STRBP: variants seen among roughly 807,000 people sequenced by gnomAD.
STRBP encodes spermatid perinuclear RNA-binding protein.
In STRBP, 13 loss-of-function variants were observed where a neutral mutation model predicts 80.1. That is an observed-to-expected ratio of 0.16 (90% CI 0.11 to 0.26). STRBP has a LOEUF of 0.26. Ranked by LOEUF, STRBP falls within the 10% of genes least tolerant of loss-of-function variation. STRBP has a pLI of 1.00. For missense variants in STRBP, 485 were observed against 815.2 expected (o/e 0.59, Z 4.93); for synonymous variants, 284 against 291.2 (o/e 0.98, Z 0.25).
At chr9:123,175,019 C>A (rs922983910) in intron 4 of STRBP, among the ~76,000 whole-genome samples, 1 of 152,092 alleles carries the variant, frequency 6.6e-6, no homozygotes, top group African/African-American at 2.4e-5. Flanking sequence ...AGTTTAAGTG[C>A]CCTATTTAAA....
intron 1 of STRBP, among the ~76,000 whole-genome samples, chr9:123,251,879 T>C (rs2040924538): frequency 6.6e-6 from 1 of 152,158 alleles, no homozygotes; most frequent in African/African-American, 2.4e-5. Context: ...AAAAGCTCCC[T>C]CCCTTCTTTG....
At position 123,158,415 on chromosome 9, in the gene STRBP, G is replaced by A. The variant is rs1344724457; in HGVS notation, c.850C>T (p.His284Tyr). ...GILLPGGPGL[H>Y]DPCERDPTDA... The stretch of plus-strand genomic sequence containing the variant: ...GTTGGGTCTCGCTCACAAGGATCAT[G>A]AAGACCAGGACCCCCTTTGGCAAAG... The change falls in exon 10 of 19, where the codon CAT becomes TAT. Residue 284 changes from histidine to tyrosine, a missense_variant. His to Tyr is a moderately conservative substitution (Grantham distance 83). Transcript: ENST00000348403. The A allele has an allele frequency of 9.3e-6, 15 of 1,613,300 alleles. No homozygotes were observed. Among genetic ancestry groups the A allele is most frequent in the Non-Finnish European group, 1.3e-5 (15 of 1,179,578 alleles).
At chr9:123,212,545 T>C (rs956475970) in intron 2 of STRBP, 2 of 152,114 alleles carry the variant, frequency 1.3e-5, no homozygotes, top group Non-Finnish European at 2.9e-5. Context: ...ACGCCAGCAA[T>C]GATGTGAGAA....
chr9:123,154,858 G>A (rs1160248044), intron 11 of STRBP, among the ~76,000 whole-genome samples: 1 of 152,206 alleles, frequency 6.6e-6, no homozygotes, highest in Non-Finnish European at 1.5e-5. Flanking sequence ...CTTATAAAGA[G>A]GAGAGAAATG....
At chr9:123,194,101 A>T (rs952351203) in intron 2 of STRBP, among the ~76,000 whole-genome samples, 3 of 152,142 alleles carry the variant, frequency 2.0e-5, no homozygotes, top group African/African-American at 7.2e-5. Context: ...TGCAAGTAGG[A>T]GCCTCAATGA....
intron 2 of STRBP, among the ~76,000 whole-genome samples, chr9:123,200,950 G>T (rs2039303581): frequency 6.6e-6 from 1 of 151,388 alleles, no homozygotes; most frequent in South Asian, 2.1e-4. Context: ...ATTTCTTCCT[G>T]ATTTAATCTA....
chr9:123,154,990 G>A (rs2037218818), intron 11 of STRBP, among the ~76,000 whole-genome samples: 1 of 152,210 alleles, frequency 6.6e-6, no homozygotes, highest in African/African-American at 2.4e-5. Flanking sequence ...GGGAGGAACT[G>A]ACGCTGGTGA....
chr9:123,113,742 T>TC (rs2035603775), intron 3 of STRBP: 1 of 167,156 alleles, frequency 6.0e-6, no homozygotes, highest in South Asian at 2.1e-4. Flanking sequence ...GTAAGTCATC[T>TC]CTATAGTCTA....
At chr9:123,235,398 G>A (rs1216605509) in intron 2 of STRBP, among the ~76,000 whole-genome samples, 2 of 149,058 alleles carry the variant, frequency 1.3e-5, no homozygotes, top group African/African-American at 4.9e-5. Context: ...AAGAATGCTA[G>A]TCCCAGTTAG....
intron 5 of STRBP, among the ~76,000 whole-genome samples, chr9:123,171,078 T>C (rs932330235): frequency 2.6e-5 from 4 of 152,090 alleles, no homozygotes; most frequent in Non-Finnish European, 5.9e-5. Flanking sequence ...AGAACCAGAA[T>C]ATAAAGAAAC....
intron 1 of STRBP, among the ~76,000 whole-genome samples, chr9:123,263,224 T>C (rs2041194126): frequency 6.6e-6 from 1 of 152,114 alleles, no homozygotes; most frequent in African/African-American, 2.4e-5. Flanking sequence ...AAGATCACTA[T>C]CGGAGCTGGG....
At chr9:123,218,423 G>A (rs936827679) in intron 2 of STRBP, among the ~76,000 whole-genome samples, 1 of 134,306 alleles carries the variant, frequency 7.4e-6, no homozygotes, top group Non-Finnish European at 1.5e-5. Flanking sequence ...ACTGCGGACT[G>A]CAGTGGCGCA....
At chr9:123,248,016 A>T (rs2040833838) in intron 1 of STRBP, among the ~76,000 whole-genome samples, 1 of 152,242 alleles carries the variant, frequency 6.6e-6, no homozygotes, top group African/African-American at 2.4e-5. Flanking sequence ...AACTAAGCAC[A>T]AGGTATACAC....
At chr9:123,257,647 C>T (rs2041063011) in intron 1 of STRBP, among the ~76,000 whole-genome samples, 1 of 152,130 alleles carries the variant, frequency 6.6e-6, no homozygotes, top group Non-Finnish European at 1.5e-5. Context: ...AGACTTGTCT[C>T]TACAAAATAA....
At chr9:123,253,339 T>A (rs2040955760) in intron 1 of STRBP, among the ~76,000 whole-genome samples, 2 of 152,224 alleles carry the variant, frequency 1.3e-5, no homozygotes, top group African/African-American at 4.8e-5. Context: ...CAAATCATAG[T>A]GGGACAGGAT....
chr9:123,138,011 C>T (rs948609276), intron 14 of STRBP, among the ~76,000 whole-genome samples: 4 of 152,228 alleles, frequency 2.6e-5, no homozygotes, highest in Non-Finnish European at 4.4e-5. Context: ...ATCATGTCTA[C>T]AAAAATGAGT....
chr9:123,249,532 C>T (rs994843770), intron 1 of STRBP, among the ~76,000 whole-genome samples: 5 of 145,122 alleles, frequency 3.4e-5, no homozygotes, highest in East Asian at 2.1e-4. Flanking sequence ...TCCCAGACAC[C>T]AAGGAGGCTG....
At position 123,125,183 on chromosome 9, in the gene STRBP, A is replaced by C; in HGVS notation, c.*414T>G. ...GCAAATACATATCAATCAACTAAGA[A>C]TCAGTGACTGCATCAGGAACCAGGC... On this transcript the variant is annotated 3_prime_UTR_variant, in exon 19 of 19. Transcript: ENST00000348403. 5.1e-6 allele frequency: 5 copies of C among 988,096 alleles called. No homozygotes were observed. Among genetic ancestry groups the C allele is most frequent in the Non-Finnish European group, 6.0e-6 (5 of 831,556 alleles). 61.2% of individuals were successfully genotyped at this position (988,096 alleles called of 1,614,324 possible).
At chr9:123,211,417 C>T (rs889125748) in intron 2 of STRBP, among the ~76,000 whole-genome samples, 1 of 152,048 alleles carries the variant, frequency 6.6e-6, no homozygotes, top group Admixed American at 6.6e-5. Flanking sequence ...TGAATTCTGT[C>T]GAGGAAGCCA....
Sources: gnomAD v4.1 joint callset for allele counts (sites outside exome capture counted in the v4.1 genomes callset) on GRCh38, gnomAD v4.1.1 for gene constraint, MANE v1.5 for transcripts, NCBI Gene and HGNC (gene_info 2026-07-23, HGNC 2026-07-21) for gene names.